LRRFIP1: variants seen among roughly 807,000 people sequenced by gnomAD.
LRRFIP1 encodes the protein LRR binding FLII interacting protein 1.
Under a neutral mutation model 104.4 loss-of-function variants are expected in LRRFIP1, and 62 were observed. The observed-to-expected ratio is 0.59, with a 90% CI of 0.48 to 0.73. LRRFIP1 has a LOEUF of 0.73. Among genes scored for constraint, LRRFIP1 ranks in the 30% least tolerant of loss-of-function variants. The pLI, the probability that LRRFIP1 is intolerant of heterozygous loss-of-function variation, is 0.00. For missense variants in LRRFIP1, 796 were observed against 824.5 expected (o/e 0.97, Z 0.42); for synonymous variants, 300 against 299.0 (o/e 1.00, Z -0.03).
At chr2:237,773,633 G>T (rs2060836961) in intron 22 of LRRFIP1, among the ~76,000 whole-genome samples, 1 of 152,118 alleles carries the variant, frequency 6.6e-6, no homozygotes, top group Admixed American at 6.5e-5. Flanking sequence ...CCTTTCTCTT[G>T]CAGCGAGGCC....
intron 1 of LRRFIP1, among the ~76,000 whole-genome samples, chr2:237,643,424 G>T (rs1039081089): frequency 2.6e-5 from 4 of 152,280 alleles, no homozygotes; most frequent in African/African-American, 7.2e-5. Flanking sequence ...GATGCCGTTG[G>T]TGTATCTGGC....
At chr2:237,767,817 G>C (rs1257824756) in intron 19 of LRRFIP1, among the ~76,000 whole-genome samples, 1 of 152,186 alleles carries the variant, frequency 6.6e-6, no homozygotes, top group Admixed American at 6.5e-5. Context: ...CCAGCCAAGG[G>C]AACACAACAG....
intron 1 of LRRFIP1, among the ~76,000 whole-genome samples, chr2:237,655,057 CAAAT>C (rs2086573751): frequency 1.4e-5 from 2 of 140,838 alleles, no homozygotes; most frequent in Admixed American, 1.5e-4. Flanking sequence ...TATGATATGT[CAAAT>C]AAACCAGGCA....
intron 1 of LRRFIP1, among the ~76,000 whole-genome samples, chr2:237,655,172 G>A (rs1387178305): frequency 3.3e-5 from 3 of 90,940 alleles, no homozygotes; most frequent in African/African-American, 5.7e-5. Context: ...GTGCAGTGGC[G>A]GGATCTAGGC....
rs764927884 is a variant in LRRFIP1 at position 237,760,078 on chromosome 2, C to T, written c.1332C>T (p.Ile444=). The change falls in exon 19 of 24, where the codon ATC becomes ATT. Residue 444 remains isoleucine (I), a synonymous_variant. Coordinates refer to ENST00000308482, the MANE Select transcript of LRRFIP1 (RefSeq NM_001137550.2). ...LKEELKKHGI[I]LNSEIATNGE... is the part of the protein sequence containing the mutation. Reference sequence around the variant, plus strand: ...TTTGTTCCCAGAAACATGGAATAATCCTAAATTCAGAAATAGCTACCAATG... The same window carrying T: ...TTTGTTCCCAGAAACATGGAATAATTCTAAATTCAGAAATAGCTACCAATG... 1.9e-6 allele frequency: 3 copies of T among 1,613,556 alleles called. No homozygotes were observed. The highest frequency in any genetic ancestry group is 2.5e-6 in the Non-Finnish European group (3 of 1,179,616).
chr2:237,710,067 G>A (rs1167990282), intron 2 of LRRFIP1, among the ~76,000 whole-genome samples: 3 of 151,810 alleles, frequency 2.0e-5, no homozygotes, highest in Non-Finnish European at 4.4e-5. Context: ...TGGCCAGACT[G>A]GTCTGAAACT....
At chr2:237,771,723 T>C (rs2060668023) in intron 20 of LRRFIP1, among the ~76,000 whole-genome samples, 1 of 152,074 alleles carries the variant, frequency 6.6e-6, no homozygotes, top group African/African-American at 2.4e-5. Flanking sequence ...GGGACTTAAT[T>C]ACAATATATT....
chr2:237,686,372 T>A (rs1055602935), intron 1 of LRRFIP1, among the ~76,000 whole-genome samples: 1 of 152,230 alleles, frequency 6.6e-6, no homozygotes, highest in African/African-American at 2.4e-5. Flanking sequence ...CCTAAAGACA[T>A]GTCATTTTTA....
chr2:237,665,487 C>T (rs2089036306), intron 1 of LRRFIP1, among the ~76,000 whole-genome samples: 1 of 152,218 alleles, frequency 6.6e-6, no homozygotes, highest in South Asian at 2.1e-4. Context: ...AACAAGCCAA[C>T]ACATCTTAAT....
At chr2:237,753,286 A>G in intron 14 of LRRFIP1, 23 bp from the exon 15 acceptor site, 1 of 1,549,248 alleles carries the variant, frequency 6.5e-7, no homozygotes, top group Non-Finnish European at 8.6e-7. Flanking sequence ...TGCAATTTCA[A>G]AAATATGACC....
At chr2:237,770,088 T>C in intron 20 of LRRFIP1, 96 bp downstream of exon 20, 1 of 946,966 alleles carries the variant, frequency 1.1e-6, no homozygotes. Flanking sequence ...ACCCCTAAGT[T>C]AATCATGTCT....
intron 1 of LRRFIP1, among the ~76,000 whole-genome samples, chr2:237,643,193 G>A (rs977551266): frequency 2.0e-5 from 3 of 152,254 alleles, no homozygotes; most frequent in Admixed American, 6.5e-5. Context: ...CCACAGGGCC[G>A]CCGCGCACTC....
At position 237,711,580 on chromosome 2, in the gene LRRFIP1, C is replaced by G. The variant is rs1196092121; in HGVS notation, c.184-2679C>G. 6.6e-6 allele frequency among the ~76,000 whole-genome samples: 1 copy of G among 152,252 alleles called. No individual in the cohort carries two copies. The highest frequency in any genetic ancestry group is 1.9e-4 in the East Asian group (1 of 5,190). On this transcript the variant is annotated intron_variant, in intron 2 of 23. Coordinates refer to ENST00000308482, the MANE Select transcript of LRRFIP1 (RefSeq NM_001137550.2). The surrounding 1 kb of genome is among the most constrained non-coding windows in gnomAD (Gnocchi z 4.4). ...GATGCCTGCACTTCTTCCCTCACGA[C>G]CGTGGCTTGCGGCTGTGACACAGGG... is the stretch of plus-strand genomic sequence containing the variant.
intron 16 of LRRFIP1, among the ~76,000 whole-genome samples, chr2:237,756,427 G>C (rs956835794): frequency 1.3e-5 from 2 of 152,190 alleles, no homozygotes; most frequent in Admixed American, 1.3e-4. Context: ...TCCTCCAACG[G>C]TGGAGAAAAA....
chr2:237,716,346 C>A (rs1171753260), intron 3 of LRRFIP1, among the ~76,000 whole-genome samples: 1 of 152,178 alleles, frequency 6.6e-6, no homozygotes. Flanking sequence ...AAGGGAATAA[C>A]CTACAGAAAA....
At chr2:237,731,420 G>A (rs1427177589) in intron 8 of LRRFIP1, among the ~76,000 whole-genome samples, 1 of 151,914 alleles carries the variant, frequency 6.6e-6, no homozygotes, top group East Asian at 1.9e-4. Flanking sequence ...CCCACTGCTT[G>A]CCACCTTTCT....
intron 18 of LRRFIP1, among the ~76,000 whole-genome samples, chr2:237,759,516 G>A (rs566599103): frequency 2.0e-5 from 3 of 152,318 alleles, no homozygotes; most frequent in East Asian, 1.9e-4. Context: ...AGCCACAGGC[G>A]GCAGGAGGGC....
chr2:237,692,200 C>G (rs867271031), intron 1 of LRRFIP1: 8 of 1,061,246 alleles, frequency 7.5e-6, no homozygotes, highest in East Asian at 7.0e-5. Flanking sequence ...TCCCGCTTCC[C>G]CGGCGCCCTT....
intron 1 of LRRFIP1, among the ~76,000 whole-genome samples, chr2:237,662,353 C>T (rs563212224): frequency 2.0e-5 from 3 of 152,278 alleles, no homozygotes; most frequent in East Asian, 1.9e-4. Context: ...GCCCCATCCA[C>T]GGGTTCTGGG....
Sources: allele counts gnomAD v4.1 joint callset (sites outside exome capture counted in the v4.1 genomes callset), GRCh38; gene constraint gnomAD v4.1.1; non-coding constraint Gnocchi (gnomAD v3.1); transcripts MANE v1.5; gene names NCBI Gene and HGNC (gene_info 2026-07-23, HGNC 2026-07-21).